SH3PXD2B: variants seen among roughly 807,000 people sequenced by gnomAD.
SH3PXD2B encodes SH3 and PX domains 2B.
In SH3PXD2B, 37 loss-of-function variants were observed where a neutral mutation model predicts 73.1. The ratio of observed to expected loss-of-function variants is 0.51; its 90% CI spans 0.39 to 0.67. The LOEUF (loss-of-function observed/expected upper bound fraction) is 0.67. Ranked by LOEUF, SH3PXD2B falls within the 30% of genes least tolerant of loss-of-function variation. The probability of loss-of-function intolerance (pLI) is 0.00; values close to 1 mark genes in which losing one functional copy is unlikely to be tolerated. For synonymous variants in SH3PXD2B, 457 were observed against 480.5 expected, an observed-to-expected ratio of 0.95 and a Z score of 0.64; for missense variants, 1,053 against 1,197.8, an observed-to-expected ratio of 0.88 and a Z score of 1.78.
At chr5:172,344,588 CAAAAAA>C (rs756550290) in intron 12 of SH3PXD2B, among the ~76,000 whole-genome samples, 5 of 25,236 alleles carry the variant, frequency 2.0e-4, no homozygotes, top group African/African-American at 6.8e-4. Context: ...GAGGCTCTGT[CAAAAAA>C]AAAAAAAAAA....
intron 5 of SH3PXD2B, among the ~76,000 whole-genome samples, chr5:172,377,043 C>A (rs1757836672): frequency 6.6e-6 from 1 of 152,224 alleles, no homozygotes; most frequent in Admixed American, 6.5e-5. Flanking sequence ...AGGCCTGCGA[C>A]CTGAGCCGTG....
intron 10 of SH3PXD2B, 130 bp from the exon 11 acceptor site, chr5:172,347,462 G>A: frequency 2.2e-6 from 2 of 902,556 alleles, no homozygotes; most frequent in South Asian, 2.8e-5. Flanking sequence ...AACCCTCCCT[G>A]TGAGAACAGC....
Position 172,338,841 on chromosome 5 carries a change from G to T in SH3PXD2B, c.2264C>A (p.Pro755His). 1 of 1,613,918 alleles carries T rather than the reference G, an allele frequency of 6.2e-7. No homozygotes were observed. Among genetic ancestry groups the T allele is most frequent in the Non-Finnish European group, 8.5e-7 (1 of 1,179,790 alleles). The change falls in exon 13 of 13, where the codon CCT becomes CAT. Residue 755 changes from proline (P) to histidine (H), a missense_variant. Pro to His is a moderately conservative substitution (Grantham distance 77). This residue lies in a region of SH3PXD2B where 587 missense variants were observed against 590.7 expected (regional missense o/e 0.99). Transcript: ENST00000311601. This position sits in a 1 kb window ranked among gnomAD's most constrained non-coding sequence, Gnocchi z 5.1. ...VPLQEAPQQR[P>H]VVPPRRPPPP... ...AGGTGGTCTGCGGGGTGGGACCACA[G>T]GTCTCTGCTGGGGAGCCTCTTGGAG...
chr5:172,378,866 C>T (rs542365442), intron 5 of SH3PXD2B, among the ~76,000 whole-genome samples: 17 of 151,856 alleles, frequency 1.1e-4, no homozygotes, highest in South Asian at 2.1e-4. Context: ...GCCAGGAGAT[C>T]GAGACCATCC....
At chr5:172,406,160 G>T in intron 3 of SH3PXD2B, 117 bp downstream of exon 3, 1 of 1,155,232 alleles carries the variant, frequency 8.7e-7, no homozygotes, top group Non-Finnish European at 1.3e-6. Context: ...CTGAGATTCT[G>T]GTCAGTGGGA....
chr5:172,355,339 C>T (rs866902633), intron 8 of SH3PXD2B, among the ~76,000 whole-genome samples: 4 of 152,220 alleles, frequency 2.6e-5, no homozygotes, highest in South Asian at 2.1e-4. Context: ...CACAGTCCGC[C>T]GTTCCCCTCC....
At chr5:172,398,682 G>A (rs957749657) in intron 3 of SH3PXD2B, among the ~76,000 whole-genome samples, 6 of 152,124 alleles carry the variant, frequency 3.9e-5, no homozygotes, top group African/African-American at 1.4e-4. Context: ...AAGATTCTTT[G>A]AAAACTTTAA....
At chr5:172,439,262 AAC>A (rs1759475263) in intron 1 of SH3PXD2B, among the ~76,000 whole-genome samples, 8 of 68,578 alleles carry the variant, frequency 1.2e-4, no homozygotes, top group South Asian at 4.6e-4. Flanking sequence ...AAAAAAAAAA[AAC>A]AAAAACAAAA....
At chr5:172,422,618 A>G (rs1253882173) in intron 1 of SH3PXD2B, 122 bp from the exon 2 acceptor site, 6 of 884,402 alleles carry the variant, frequency 6.8e-6, no homozygotes, top group South Asian at 2.8e-5. Flanking sequence ...AGCTCTGCCA[A>G]TGACTGGCTG....
chr5:172,435,555 T>C (rs1225735763), intron 1 of SH3PXD2B, among the ~76,000 whole-genome samples: 1 of 152,050 alleles, frequency 6.6e-6, no homozygotes, highest in Non-Finnish European at 1.5e-5. Context: ...CCTGAGTAGG[T>C]GGAATTACAG....
At chr5:172,325,436 A>G in intron 12 of SH3PXD2B, 2 of 1,222,940 alleles carry the variant, frequency 1.6e-6, no homozygotes, top group Non-Finnish European at 2.3e-6. Flanking sequence ...CAAACGAAAG[A>G]CTAACGTGGC....
At chr5:172,366,054 G>A (rs1757512918) in intron 6 of SH3PXD2B, among the ~76,000 whole-genome samples, 1 of 152,210 alleles carries the variant, frequency 6.6e-6, no homozygotes, top group African/African-American at 2.4e-5. Context: ...TTCACAGCCA[G>A]GTTGGTGCCT....
chr5:172,344,967 G>A (rs114829553), intron 12 of SH3PXD2B, among the ~76,000 whole-genome samples: 1,661 of 149,684 alleles, frequency 0.011, 9 homozygotes, highest in Non-Finnish European at 0.015. Context: ...AGGAAGGAAG[G>A]AGGGAGAGAA....
At chr5:172,329,019 A>G (rs868009629), downstream of SH3PXD2B, among the ~76,000 whole-genome samples, 12 of 86,850 alleles carry the variant, frequency 1.4e-4, no homozygotes, top group Admixed American at 4.6e-4. Flanking sequence ...ATATATATAC[A>G]TATATACATA....
chr5:172,391,574 C>T (rs1050647632), intron 4 of SH3PXD2B, among the ~76,000 whole-genome samples: 14 of 152,158 alleles, frequency 9.2e-5, no homozygotes, highest in Admixed American at 8.5e-4. Context: ...GCCATCCTCC[C>T]ACTTCAGCCT....
chr5:172,335,191 T>G lies in SH3PXD2B; in HGVS notation c.*3178A>C. The G allele has an allele frequency of 1.0e-6, 1 of 999,574 alleles. No individual in the cohort carries two copies. Among genetic ancestry groups the G allele is most frequent in the Non-Finnish European group, 1.2e-6 (1 of 839,774 alleles). The allele number at this position is 999,574 out of a possible 1,614,324, so 61.9% of individuals were successfully genotyped here. ...CGCAAGCTGTCCGTTTGCCCTGGGA[T>G]GTAAGGTAAAGTAGTTGTCACAATT... is the stretch of plus-strand genomic sequence containing the variant. On this transcript the variant is annotated 3_prime_UTR_variant, in exon 13 of 13. Coordinates refer to ENST00000311601, the MANE Select transcript of SH3PXD2B (RefSeq NM_001017995.3).
chr5:172,429,060 G>A lies in SH3PXD2B; in HGVS notation c.76-6564C>T, dbSNP rs187350758. 9.1e-4 allele frequency among the ~76,000 whole-genome samples: 139 copies of A among 152,294 alleles called. 1 individual carries two copies. Among genetic ancestry groups the A allele is most frequent in the Admixed American group, 3.5e-3 (54 of 15,302 alleles). ...TTTCCTGCTGGGTTCTAAGTTTCAC[G>A]CGAGCAAGGACCTGGCCTGTCTTGT... On this transcript the variant is annotated intron_variant, in intron 1 of 12. Coordinates refer to ENST00000311601, the MANE Select transcript of SH3PXD2B (RefSeq NM_001017995.3).
intron 4 of SH3PXD2B, among the ~76,000 whole-genome samples, chr5:172,391,605 A>G (rs893409014): frequency 6.6e-6 from 1 of 151,912 alleles, no homozygotes; most frequent in African/African-American, 2.4e-5. Flanking sequence ...TGGGATTACA[A>G]GCGTGTGCCA....
At position 172,335,678 on chromosome 5, in the gene SH3PXD2B, G is replaced by A; in HGVS notation, c.*2691C>T. On this transcript the variant is annotated 3_prime_UTR_variant, in exon 13 of 13. Transcript: ENST00000311601. Reference sequence around the variant, plus strand: ...ATGACTCCAGGGGAGTTCTGCATATGCGCCATCAATCGCTCACAGAATAGC... The same window carrying A: ...ATGACTCCAGGGGAGTTCTGCATATACGCCATCAATCGCTCACAGAATAGC... 8.1e-7 allele frequency: 1 copy of A among 1,231,764 alleles called. No individual in the cohort carries two copies. Among genetic ancestry groups the A allele is most frequent in the Non-Finnish European group, 1.0e-6 (1 of 988,004 alleles). 76.3% of individuals were successfully genotyped at this position (1,231,764 alleles called of 1,614,324 possible).
Sources: gnomAD v4.1 joint callset for allele counts (sites outside exome capture counted in the v4.1 genomes callset) on GRCh38, gnomAD v4.1.1 for gene constraint, gnomAD v4.1.1 regional missense constraint, Gnocchi (gnomAD v3.1) non-coding constraint, MANE v1.5 for transcripts, NCBI Gene and HGNC (gene_info 2026-07-23, HGNC 2026-07-21) for gene names.